Variants in IPO11 observed in about 807,000 individuals in gnomAD.
IPO11 encodes the protein importin 11, also known as importin-11.
A neutral mutation model predicts 143.2 loss-of-function variants in IPO11; 66 were observed. The observed-to-expected ratio is 0.46, with a 90% confidence interval of 0.38 to 0.57. IPO11 has a LOEUF of 0.57. IPO11 is among the 20% of genes least tolerant of loss of function. IPO11 has a pLI of 0.00. For synonymous variants in IPO11, 385 were observed against 377.8 expected (o/e 1.02, Z -0.22); for missense variants, 1,026 against 1,141.0 (o/e 0.90, Z 1.45).
chr5:62,492,219 T>C (rs1746639868), intron 15 of IPO11, among the ~76,000 whole-genome samples: 1 of 152,224 alleles, frequency 6.6e-6, no homozygotes, highest in South Asian at 2.1e-4. Context: ...AGTTTCATAT[T>C]CTTTATCTGG....
chr5:62,573,089 C>G (rs558626996), intron 27 of IPO11, among the ~76,000 whole-genome samples: 1 of 152,144 alleles, frequency 6.6e-6, no homozygotes, highest in South Asian at 2.1e-4. Context: ...CACTGTCGCC[C>G]AGGCTGGAGT....
rs70981015 is a variant in IPO11, at chr5:62,470,816, C to CTTTTTTTTTTTTTTTTTTTTTTTTTTTTT, written c.708+509_708+537dup. Reference sequence around the variant, plus strand: ...TTCATTGTCTGTAGATAGCCATCTTCTTTTTTTTTTTTTTTTTTTTTTTTT... The same window carrying CTTTTTTTTTTTTTTTTTTTTTTTTTTTTT: ...TTCATTGTCTGTAGATAGCCATCTTCTTTTTTTTTTTTTTTTTTTTTTTTTTTTTTTTTTTTTTTTTTTTTTTTTTTTTT... On this transcript the variant is annotated intron_variant, in intron 7 of 29. Coordinates refer to ENST00000325324, the MANE Select transcript of IPO11 (RefSeq NM_016338.5). Among the ~76,000 whole-genome samples the CTTTTTTTTTTTTTTTTTTTTTTTTTTTTT allele has an allele frequency of 1.4e-4, 9 of 62,560 alleles. 2 individuals are homozygous for CTTTTTTTTTTTTTTTTTTTTTTTTTTTTT. Among genetic ancestry groups the CTTTTTTTTTTTTTTTTTTTTTTTTTTTTT allele is most frequent in the Non-Finnish European group, 1.6e-4 (6 of 37,152 alleles). The allele number at this position is 62,560 out of a possible 152,430, so 41.0% of individuals were successfully genotyped here.
At chr5:62,483,605 C>G (rs917426742) in intron 10 of IPO11, among the ~76,000 whole-genome samples, 2 of 152,066 alleles carry the variant, frequency 1.3e-5, no homozygotes, top group South Asian at 4.1e-4. Flanking sequence ...AAAGCTTTCT[C>G]TGACTTTATA....
At chr5:62,626,393 T>C (rs1016905083) in intron 29 of IPO11, among the ~76,000 whole-genome samples, 1 of 152,190 alleles carries the variant, frequency 6.6e-6, no homozygotes, top group Non-Finnish European at 1.5e-5. Context: ...TGCATTATTA[T>C]TAAGTAAACT....
At chr5:62,542,664 T>G (rs922710297) in intron 24 of IPO11, among the ~76,000 whole-genome samples, 6 of 152,246 alleles carry the variant, frequency 3.9e-5, no homozygotes, top group Non-Finnish European at 5.9e-5. Context: ...CCAGTATGCC[T>G]GCTTTTGGAG....
chr5:62,513,222 C>G (rs1420757050), intron 19 of IPO11, among the ~76,000 whole-genome samples: 1 of 151,932 alleles, frequency 6.6e-6, no homozygotes, highest in Non-Finnish European at 1.5e-5. Context: ...CGCTGACCCC[C>G]CCATCTCCCT....
chr5:62,567,924 T>C (rs1744011092), intron 27 of IPO11, among the ~76,000 whole-genome samples: 2 of 151,466 alleles, frequency 1.3e-5, no homozygotes, highest in African/African-American at 4.9e-5. Flanking sequence ...TTTTCAATTT[T>C]TCTCCTCCTT....
rs754613412 is a variant in IPO11 at position 62,530,734 on chromosome 5, T to C, written c.2038T>C (p.Cys680Arg). The change falls in exon 22 of 30, where the codon TGT (cysteine) becomes CGT (arginine). Residue 680 changes from cysteine (C) to arginine (R), a missense_variant. Transcript: ENST00000325324. ...GTTAGTAACTTTGGAAAACAGTCCA[T>C]GTATTACACCAGAGTTGCTTCGTAT... ...LWLVTLENSP[C>R]ITPELLRIFQ... 8.1e-6 allele frequency: 13 copies of C among 1,612,970 alleles called. No individual in the cohort carries two copies. Among genetic ancestry groups the C allele is most frequent in the South Asian group, 1.1e-5 (1 of 91,036 alleles).
In IPO11 at chr5:62,512,460, T is replaced by G. The variant is rs758255063; in HGVS notation, c.1783-2928T>G. On this transcript the variant is annotated intron_variant, in intron 19 of 29. Coordinates refer to ENST00000325324, the MANE Select transcript of IPO11 (RefSeq NM_016338.5). Reference sequence around the variant, plus strand: ...CTCCTCGTCATCGTATTTGTCCGAATAGTAAATTTGTTTGTGCGACATAAA... The same window carrying G: ...CTCCTCGTCATCGTATTTGTCCGAAGAGTAAATTTGTTTGTGCGACATAAA... The G allele has an allele frequency of 1.1e-5, 13 of 1,235,594 alleles. No individual in the cohort carries two copies. The African/African-American group carries it at 1.4e-4, about 13-fold the overall frequency. 76.5% of individuals were successfully genotyped at this position (1,235,594 alleles called of 1,614,324 possible).
At chr5:62,469,407 G>T (rs1425889646) in intron 6 of IPO11, among the ~76,000 whole-genome samples, 1 of 152,166 alleles carries the variant, frequency 6.6e-6, no homozygotes, top group Non-Finnish European at 1.5e-5. Flanking sequence ...CTAGTAGACA[G>T]CTACATTCTA....
chr5:62,543,044 T>A (rs1347171726), intron 24 of IPO11, among the ~76,000 whole-genome samples: 6 of 152,188 alleles, frequency 3.9e-5, no homozygotes, highest in Non-Finnish European at 8.8e-5. Context: ...ACTGCTCTTT[T>A]CCCCAGTCTT....
chr5:62,502,630 T>G (rs755415785), intron 16 of IPO11, among the ~76,000 whole-genome samples: 3 of 152,190 alleles, frequency 2.0e-5, no homozygotes, highest in Non-Finnish European at 4.4e-5. Flanking sequence ...ACTTCCCCTT[T>G]TTAGGAAGGA....
intron 29 of IPO11, among the ~76,000 whole-genome samples, chr5:62,618,350 A>G (rs1262871743): frequency 6.6e-6 from 1 of 152,190 alleles, no homozygotes; most frequent in Non-Finnish European, 1.5e-5. Flanking sequence ...TTTATTATAC[A>G]AGAATAAATG....
At chr5:62,570,405 T>C (rs1164721984) in intron 27 of IPO11, among the ~76,000 whole-genome samples, 1 of 152,206 alleles carries the variant, frequency 6.6e-6, no homozygotes, top group Non-Finnish European at 1.5e-5. Flanking sequence ...TTGGTTTTCA[T>C]TTTTAATACA....
At chr5:62,599,591 A>T in intron 28 of IPO11, among the ~76,000 whole-genome samples, 1 of 152,288 alleles carries the variant, frequency 6.6e-6, no homozygotes, top group East Asian at 1.9e-4. Context: ...TCATGCTAAC[A>T]CCTGTTGGTT....
intron 12 of IPO11, among the ~76,000 whole-genome samples, chr5:62,486,799 C>A (rs1746423452): frequency 6.6e-6 from 1 of 152,012 alleles, no homozygotes; most frequent in South Asian, 2.1e-4. Flanking sequence ...ATATAATGAG[C>A]CCTTCATGAT....
chr5:62,542,302 G>A (rs552237406), intron 24 of IPO11, among the ~76,000 whole-genome samples: 2 of 152,076 alleles, frequency 1.3e-5, no homozygotes, highest in East Asian at 1.9e-4. Context: ...ATAAATGGAT[G>A]TTAAATCCTA....
chr5:62,477,121 T>G (rs928372239), intron 9 of IPO11, among the ~76,000 whole-genome samples: 1 of 152,224 alleles, frequency 6.6e-6, no homozygotes, highest in African/African-American at 2.4e-5. Context: ...AGTCAGTATA[T>G]TCAGAATGAC....
At chr5:62,476,388 ACTT>A (rs1745958069) in intron 8 of IPO11, among the ~76,000 whole-genome samples, 1 of 152,178 alleles carries the variant, frequency 6.6e-6, no homozygotes, top group Admixed American at 6.5e-5. Flanking sequence ...CTTGAAAAAT[ACTT>A]CAACTGTGAC....
Sources: allele counts gnomAD v4.1 joint callset (sites outside exome capture counted in the v4.1 genomes callset), GRCh38; gene constraint gnomAD v4.1.1; transcripts MANE v1.5; gene names NCBI Gene and HGNC (gene_info 2026-07-23, HGNC 2026-07-21).